GBP6: variants seen among roughly 807,000 people sequenced by gnomAD.
GBP6 encodes guanylate-binding protein 6.
In GBP6, 54 loss-of-function variants were observed where a neutral mutation model predicts 61.5. That is an observed-to-expected ratio of 0.88 (90% CI 0.71 to 1.10). The LOEUF is 1.10. GBP6 is among the 50% of genes least tolerant of loss of function. The pLI is 0.00. For synonymous variants in GBP6, 255 were observed against 273.7 expected (o/e 0.93, Z 0.67); for missense variants, 748 against 752.8 (o/e 0.99, Z 0.07).
chr1:89,367,311 C>T (rs551958526), intron 1 of GBP6, among the ~76,000 whole-genome samples: 2 of 152,248 alleles, frequency 1.3e-5, no homozygotes, highest in South Asian at 2.1e-4. Flanking sequence ...TCCTAGCTAA[C>T]ACCTGTTTTC....
At chr1:89,366,231 A>C (rs1188974675) in intron 1 of GBP6, among the ~76,000 whole-genome samples, 1 of 152,228 alleles carries the variant, frequency 6.6e-6, no homozygotes, top group Non-Finnish European at 1.5e-5. Flanking sequence ...CTCCATAAAT[A>C]ATATGCAATA....
rs1410201877 is a variant in GBP6 at position 89,386,678 on chromosome 1, T to C, written c.*1209T>C. Among the ~76,000 whole-genome samples the C allele has an allele frequency of 6.6e-6, 1 of 152,222 alleles. No homozygotes were observed. Among genetic ancestry groups the C allele is most frequent in the Non-Finnish European group, 1.5e-5 (1 of 68,044 alleles). ...GCTACAGTAGCCTCTACTTCCTTTC[T>C]CTGAATTCAAGTTTTAAGGTGTTAG... On this transcript the variant is annotated 3_prime_UTR_variant, in exon 11 of 11. Coordinates refer to ENST00000370456, the MANE Select transcript of GBP6 (RefSeq NM_198460.3).
rs1164978816 is a variant in GBP6, at chr1:89,385,435, G to A, written c.1868G>A (p.Ser623Asn). ...ATTGGTCATGGTGTCAAAGGTGTGAGCTCACTCTTTAAAAAGCATAAGCTC... is the reference window on the plus strand; with the variant it reads ...ATTGGTCATGGTGTCAAAGGTGTGAACTCACTCTTTAAAAAGCATAAGCTC... ...KLIGHGVKGV[S>N]SLFKKHKLPF Residue 623 changes from serine (S) to asparagine (N), a missense_variant, in exon 11 of 11, where the codon AGC becomes AAC. Physicochemically the swap from Ser to Asn is conservative, Grantham distance 46 (BLOSUM62 1). Transcript: ENST00000370456. 6 of 1,614,020 alleles carry A rather than the reference G, an allele frequency of 3.7e-6. No homozygotes were observed. The highest frequency in any genetic ancestry group is 5.1e-6 in the Non-Finnish European group (6 of 1,179,940).
intron 1 of GBP6, 38 bp from the exon 2 acceptor site, chr1:89,368,491 G>C (rs528870378): frequency 7.0e-5 from 104 of 1,485,822 alleles, no homozygotes; most frequent in Non-Finnish European, 9.4e-5. Flanking sequence ...GAAACACTGA[G>C]ACAGAGAATG....
rs115995321 is a variant in GBP6, at chr1:89,366,419, A to G, written c.-23-2110A>G. 8.6e-3 allele frequency among the ~76,000 whole-genome samples: 1,311 copies of G among 152,208 alleles called. 20 individuals are homozygous for G. The highest frequency in any genetic ancestry group is 0.03 in the African/African-American group (1,243 of 41,530). On this transcript the variant is annotated intron_variant, in intron 1 of 10. Transcript: ENST00000370456. ...GTATTCTCTAGAGTTTTCTCATCCC[A>G]TAGTGGATCCTTTCCCTTCTCCCTT...
rs1203252285 is a variant in GBP6, at chr1:89,381,762, G to A, written c.940G>A (p.Ala314Thr). Reference protein sequence around the residue: ...NSGAVPCLENAVITLAQRENS... With the variant: ...NSGAVPCLENTVITLAQRENS... ...TGGAGCAGTGCCTTGTCTGGAGAAT[G>A]CAGTGATAACTCTGGCCCAGCGTGA... The change falls in exon 7 of 11, where the codon GCA (alanine) becomes ACA (threonine). Residue 314 changes from alanine (A) to threonine (T), a missense_variant. By Grantham distance (58) the Ala-to-Thr change is moderately conservative (BLOSUM62 0). Transcript: ENST00000370456. The A allele has an allele frequency of 3.7e-6, 6 of 1,614,072 alleles. No individual in the cohort carries two copies. The highest frequency in any genetic ancestry group is 3.3e-4 in the Middle Eastern group (2 of 6,084).
Position 89,377,266 on chromosome 1 carries a change from C to A in GBP6, c.319-837C>A, listed in dbSNP as rs1414538061. Among the ~76,000 whole-genome samples, 4 of 152,194 alleles carry A rather than the reference C, an allele frequency of 2.6e-5. No homozygotes were observed. In the South Asian group the frequency reaches 8.3e-4, roughly 31 times the overall value. ...TATTCAGTCTTATCTTCTGCACTTA[C>A]CCTCTGCTCAGTCAGGCCAATAAAC... On this transcript the variant is annotated intron_variant, in intron 3 of 10. Coordinates refer to ENST00000370456, the MANE Select transcript of GBP6 (RefSeq NM_198460.3).
intron 3 of GBP6, among the ~76,000 whole-genome samples, chr1:89,374,514 T>C (rs1434096807): frequency 6.6e-6 from 1 of 152,198 alleles, no homozygotes; most frequent in Non-Finnish European, 1.5e-5. Flanking sequence ...CCATACTTTT[T>C]CCATAATAGC....
intron 3 of GBP6, among the ~76,000 whole-genome samples, chr1:89,377,617 T>C (rs144424669): frequency 9.4e-4 from 143 of 152,344 alleles, no homozygotes; most frequent in African/African-American, 3.3e-3. Flanking sequence ...TTTGAAATAG[T>C]CATCATGACA....
chr1:89,373,595 C>A (rs1300820345), intron 3 of GBP6, among the ~76,000 whole-genome samples: 1 of 152,102 alleles, frequency 6.6e-6, no homozygotes, highest in African/African-American at 2.4e-5. Context: ...TGTTCTCACT[C>A]ATAGGTGGGA....
chr1:89,385,541 G>GTTTT lies in GBP6; in HGVS notation c.*83_*86dup, dbSNP rs370789372. 4.0e-4 allele frequency: 450 copies of GTTTT among 1,137,120 alleles called. No homozygotes were observed. The highest frequency in any genetic ancestry group is 4.6e-4 in the Non-Finnish European group (387 of 837,514). The allele number at this position is 1,137,120 out of a possible 1,614,324, so 70.4% of individuals were successfully genotyped here. On this transcript the variant is annotated 3_prime_UTR_variant, in exon 11 of 11. Transcript: ENST00000370456. ...TATGTTTTTCATTTTCATTCAGCAA[G>GTTTT]TTTTTTTTTTTTTTCAGAGTCTTAC...
rs754147567 is a variant in GBP6, at chr1:89,384,152, C to G, written c.1528C>G (p.Gln510Glu). Residue 510 changes from glutamine to glutamate, a missense_variant, in exon 10 of 11, where the codon CAG (glutamine) becomes GAG (glutamate). Coordinates refer to ENST00000370456, the MANE Select transcript of GBP6 (RefSeq NM_198460.3). ...ACAGGAACTTTTAAAACAGAAATTACAGGAGCAGCAGCAACAGATGGAGGC... is the reference window on the plus strand; with the variant it reads ...ACAGGAACTTTTAAAACAGAAATTAGAGGAGCAGCAGCAACAGATGGAGGC... ...KEQELLKQKLQEQQQQMEAQD... is the reference protein window; with the variant it reads ...KEQELLKQKLEEQQQQMEAQD... 2.5e-6 allele frequency: 4 copies of G among 1,613,900 alleles called. No homozygotes were observed. The highest frequency in any genetic ancestry group is 3.4e-6 in the Non-Finnish European group (4 of 1,179,984).
At position 89,385,569 on chromosome 1, in the gene GBP6, T is replaced by C; in HGVS notation, c.*100T>C. The C allele has an allele frequency of 3.4e-6, 4 of 1,171,920 alleles. No individual in the cohort carries two copies. The highest frequency in any genetic ancestry group is 4.7e-6 in the Non-Finnish European group (4 of 853,714). The allele number at this position is 1,171,920 out of a possible 1,614,324, so 72.6% of individuals were successfully genotyped here. A position where few individuals can be genotyped will look rare whatever the true frequency, so the allele number is the denominator to read the frequency against. ...TTTTTTTTTTTTCAGAGTCTTACTC[T>C]GTTGCCCAGGCTGGAGTACAGTGGT... On this transcript the variant is annotated 3_prime_UTR_variant, in exon 11 of 11. Transcript: ENST00000370456.
chr1:89,384,093 T>C lies in GBP6; in HGVS notation c.1469T>C (p.Val490Ala), dbSNP rs1653064445. The change falls in exon 10 of 11, where the codon GTG becomes GCG. Residue 490 changes from valine (V) to alanine (A), a missense_variant and splice_region_variant. Transcript: ENST00000370456. The stretch of plus-strand genomic sequence containing the variant: ...TCTTTCTAATACCTTCATGGAGCAG[T>C]GGATCGGGCCAAGAAGGAGGCAGCT... The part of the protein sequence containing the change: ...ALTDREKAVA[V>A]DRAKKEAAEK... 1 of 1,607,274 alleles carries C rather than the reference T, an allele frequency of 6.2e-7. No individual in the cohort carries two copies. Among genetic ancestry groups the C allele is most frequent in the South Asian group, 1.1e-5 (1 of 89,882 alleles).
At chr1:89,372,439 T>C (rs754136706) in intron 3 of GBP6, among the ~76,000 whole-genome samples, 1 of 152,008 alleles carries the variant, frequency 6.6e-6, no homozygotes, top group Admixed American at 6.6e-5. Context: ...GTAACCAAAA[T>C]AGCATGGTAC....
rs1652995999 is a variant in GBP6 at position 89,382,030 on chromosome 1, A to G, written c.1152+56A>G. ...TCCTTCCCCTTGAAGAATGAAGCCT[A>G]TAGTTGCCTTTATTGTCACCAATGC... On this transcript the variant is annotated intron_variant, in intron 7 of 10. Transcript: ENST00000370456. 2.0e-6 allele frequency: 3 copies of G among 1,512,482 alleles called. No homozygotes were observed. The Admixed American group carries it at 6.0e-5, about 30-fold the overall frequency. 93.7% of individuals were successfully genotyped at this position (1,512,482 alleles called of 1,614,324 possible).
chr1:89,378,893 G>T lies in GBP6; in HGVS notation c.625+280G>T, dbSNP rs375211383. On this transcript the variant is annotated intron_variant, in intron 5 of 10. Coordinates refer to ENST00000370456, the MANE Select transcript of GBP6 (RefSeq NM_198460.3). The stretch of plus-strand genomic sequence containing the variant: ...GGGTGCTAAGACTTTCTAATAACAA[G>T]ATGCTTGTGATCTGTGTTTTGCCCT... Among the ~76,000 whole-genome samples the T allele has an allele frequency of 4.3e-4, 66 of 152,264 alleles. 1 individual carries two copies. The highest frequency in any genetic ancestry group is 1.6e-3 in the African/African-American group (65 of 41,546).
rs884037 is a variant in GBP6, at chr1:89,378,730, G to A, written c.625+117G>A. 1.9e-3 allele frequency: 1,393 copies of A among 737,886 alleles called. 11 individuals are homozygous for A. In the African/African-American group the frequency reaches 0.021, roughly 11 times the overall value. 45.7% of individuals were successfully genotyped at this position (737,886 alleles called of 1,614,324 possible). A position where few individuals can be genotyped will look rare whatever the true frequency, so the allele number is the denominator to read the frequency against. The stretch of plus-strand genomic sequence containing the variant: ...AGACTAGATTGAGGTCTGTAGAAAC[G>A]GGGACTGAGGGGTATGTTGAAGAGC... On this transcript the variant is annotated intron_variant, in intron 5 of 10. Transcript: ENST00000370456.
At chr1:89,374,768 GTTTAT>G (rs1294553439) in intron 3 of GBP6, among the ~76,000 whole-genome samples, 2 of 151,918 alleles carry the variant, frequency 1.3e-5, no homozygotes, top group African/African-American at 4.8e-5. Context: ...TTTTTTTACT[GTTTAT>G]TTTAACTTCA....
Sources: gnomAD v4.1 joint callset for allele counts (sites outside exome capture counted in the v4.1 genomes callset) on GRCh38, gnomAD v4.1.1 for gene constraint, MANE v1.5 for transcripts, NCBI Gene and HGNC (gene_info 2026-07-23, HGNC 2026-07-21) for gene names.